Variants in RBFOX1 observed in about 807,000 individuals in gnomAD.
RBFOX1 encodes RNA binding protein fox-1 homolog 1.
RBFOX1 carries 8 observed loss-of-function variants against 57.7 expected under a neutral mutation model. The ratio of observed to expected loss-of-function variants is 0.14; its 90% CI spans 0.08 to 0.25. RBFOX1 has a LOEUF of 0.25. RBFOX1 is among the 10% of genes least tolerant of loss of function. The probability of loss-of-function intolerance (pLI) is 1.00; values close to 1 mark genes in which losing one functional copy is unlikely to be tolerated. For synonymous variants in RBFOX1, 326 were observed against 222.4 expected, an observed-to-expected ratio of 1.47 and a Z score of -4.15; for missense variants, 611 against 548.5, an observed-to-expected ratio of 1.11 and a Z score of -1.14.
intron 3 of RBFOX1, among the ~76,000 whole-genome samples, chr16:5,674,884 T>C (rs12923082): frequency 6.6e-6 from 1 of 151,958 alleles, no homozygotes; most frequent in Non-Finnish European, 1.5e-5. Context: ...GGGTGGCTCA[T>C]GTCTGTAATC....
chr16:6,024,844 G>T (rs1032039347), intron 1 of RBFOX1, among the ~76,000 whole-genome samples: 1 of 152,232 alleles, frequency 6.6e-6, no homozygotes, highest in Non-Finnish European at 1.5e-5. Context: ...TGTGTGCCAA[G>T]CACTATTGAA....
intron 1 of RBFOX1, among the ~76,000 whole-genome samples, chr16:6,311,004 A>G (rs1599490504): frequency 6.6e-6 from 1 of 152,198 alleles, no homozygotes; most frequent in East Asian, 1.9e-4. Context: ...TTAGTTTAGA[A>G]CTATTGGCTT....
chr16:6,022,612 G>T (rs1273322853), intron 1 of RBFOX1, among the ~76,000 whole-genome samples: 1 of 152,154 alleles, frequency 6.6e-6, no homozygotes, highest in Non-Finnish European at 1.5e-5. Flanking sequence ...AGCCTGAGAA[G>T]GTTGAGGCTG....
chr16:6,541,838 T>C (rs1240847860), intron 2 of RBFOX1, among the ~76,000 whole-genome samples: 2 of 152,156 alleles, frequency 1.3e-5, no homozygotes, highest in Non-Finnish European at 2.9e-5. Flanking sequence ...CAAACAACTT[T>C]AATGGTTCAG....
intron 1 of RBFOX1, among the ~76,000 whole-genome samples, chr16:6,126,286 G>A (rs186934836): frequency 7.2e-5 from 11 of 152,304 alleles, no homozygotes; most frequent in Admixed American, 5.9e-4. Flanking sequence ...CCTAACCTTC[G>A]CAGGCCGTTG....
At chr16:6,617,680 C>G (rs1048233980) in intron 2 of RBFOX1, among the ~76,000 whole-genome samples, 5 of 152,108 alleles carry the variant, frequency 3.3e-5, no homozygotes, top group African/African-American at 1.2e-4. Flanking sequence ...CTCAGGGAGC[C>G]TGCAGTCTTG....
intron 3 of RBFOX1, among the ~76,000 whole-genome samples, chr16:6,878,069 C>A (rs8059495): frequency 4.6e-5 from 7 of 151,938 alleles, no homozygotes; most frequent in African/African-American, 1.7e-4. Flanking sequence ...AAGGGTAGGA[C>A]AGATAGAAGA....
At chr16:7,054,091 C>T (rs572806007) in intron 4 of RBFOX1, among the ~76,000 whole-genome samples, 4 of 150,636 alleles carry the variant, frequency 2.7e-5, no homozygotes, top group African/African-American at 4.9e-5. Context: ...TTTTTGTTCT[C>T]TGTCTTTCCA....
At chr16:7,574,610 A>G (rs1396723750) in intron 5 of RBFOX1, among the ~76,000 whole-genome samples, 2 of 152,132 alleles carry the variant, frequency 1.3e-5, no homozygotes, top group African/African-American at 4.8e-5. Flanking sequence ...TAGTCTTTGC[A>G]TGTTCCTTTG....
chr16:6,805,440 T>C (rs1400247986), intron 3 of RBFOX1, among the ~76,000 whole-genome samples: 3 of 152,162 alleles, frequency 2.0e-5, no homozygotes, highest in Non-Finnish European at 4.4e-5. Context: ...ACTTGGGTAC[T>C]TGGCTTAGTA....
At chr16:6,691,600 G>A (rs900756778) in intron 3 of RBFOX1, among the ~76,000 whole-genome samples, 2 of 152,136 alleles carry the variant, frequency 1.3e-5, no homozygotes, top group Non-Finnish European at 2.9e-5. Flanking sequence ...ATCCCAGGAA[G>A]AAAGAATGTG....
At chr16:5,364,689 A>G (rs1484128994) in intron 1 of RBFOX1, among the ~76,000 whole-genome samples, 1 of 152,196 alleles carries the variant, frequency 6.6e-6, no homozygotes, top group African/African-American at 2.4e-5. Flanking sequence ...AACCCTGGGT[A>G]CCTGCTTCTC....
rs141664512 is a variant in RBFOX1, at chr16:5,406,993, C to G, written c.220-60223C>G. Among the ~76,000 whole-genome samples the G allele has an allele frequency of 4.1e-3, 623 of 152,244 alleles. 3 individuals are homozygous for G. Among genetic ancestry groups the G allele is most frequent in the Middle Eastern group, 6.8e-3 (2 of 294 alleles). ...GATGTATTAGTCCACTTTCACACTG[C>G]TATATAAAGATACTACCCTAGACTG... On this transcript the variant is annotated intron_variant, in intron 1 of 2. Transcript: ENST00000585867.
At chr16:7,280,726 G>C (rs941145460) in intron 4 of RBFOX1, among the ~76,000 whole-genome samples, 1 of 152,164 alleles carries the variant, frequency 6.6e-6, no homozygotes, top group African/African-American at 2.4e-5. Flanking sequence ...ATTGATATGA[G>C]TTTTATCCAT....
At chr16:7,224,314 G>C (rs534363304) in intron 4 of RBFOX1, among the ~76,000 whole-genome samples, 1 of 152,080 alleles carries the variant, frequency 6.6e-6, no homozygotes, top group South Asian at 2.1e-4. Flanking sequence ...ATAAAGTGTA[G>C]CAGGTTTCAT....
chr16:5,788,805 C>T (rs2054596314), intron 3 of RBFOX1, among the ~76,000 whole-genome samples: 1 of 152,038 alleles, frequency 6.6e-6, no homozygotes. Context: ...TGCTTTTCTA[C>T]CCACCTCCCA....
rs2145690416 is a variant in RBFOX1 at position 7,664,939 on chromosome 16, C to G, written c.901C>G (p.Gln301Glu). Reference protein sequence around the residue: ...PIPAYGGVVYQDGFYGADIYG... With the variant: ...PIPAYGGVVYEDGFYGADIYG... The stretch of plus-strand genomic sequence containing the variant: ...TGTGCACCCTTGCAGTGTTGTTTAC[C>G]AGGATGGATTTTATGGTGCAGACAT... The change falls in exon 13 of 16, where the codon CAG becomes GAG. Residue 301 changes from glutamine to glutamate, a missense_variant. By Grantham distance (29) the Gln-to-Glu change is conservative (BLOSUM62 2). This residue lies in a region of RBFOX1 where 267 missense variants were observed against 229.1 expected (regional missense o/e 1.17). Coordinates refer to ENST00000550418, the MANE Select transcript of RBFOX1 (RefSeq NM_018723.4). The G allele has an allele frequency of 6.2e-7, 1 of 1,613,884 alleles. No individual in the cohort carries two copies. The highest frequency in any genetic ancestry group is 8.5e-7 in the Non-Finnish European group (1 of 1,179,834).
intron 4 of RBFOX1, among the ~76,000 whole-genome samples, chr16:7,395,548 A>G (rs1475552071): frequency 6.6e-6 from 1 of 152,206 alleles, no homozygotes; most frequent in East Asian, 1.9e-4. Context: ...AGCAGAGCTC[A>G]TTAAGGGGAA....
chr16:6,762,790 C>G (rs528233230), intron 3 of RBFOX1, among the ~76,000 whole-genome samples: 27 of 152,134 alleles, frequency 1.8e-4, no homozygotes, highest in Non-Finnish European at 2.9e-4. Context: ...GGAAGACAGG[C>G]AAGGAAACAG....
Sources: gnomAD v4.1 joint callset for allele counts (sites outside exome capture counted in the v4.1 genomes callset) on GRCh38, gnomAD v4.1.1 for gene constraint, gnomAD v4.1.1 regional missense constraint, MANE v1.5 for transcripts, NCBI Gene and HGNC (gene_info 2026-07-23, HGNC 2026-07-21) for gene names.